Variants in MICAL3 observed in about 807,000 individuals in gnomAD.
MICAL3 encodes the protein microtubule associated monooxygenase, calponin and LIM domain containing 3, also known as [F-actin]-monooxygenase MICAL3.
MICAL3 carries 62 observed loss-of-function variants against 207.4 expected under a neutral mutation model. That is an observed-to-expected ratio of 0.30 (90% CI 0.24 to 0.37). The LOEUF is 0.37. Ranked by LOEUF, MICAL3 falls within the 10% of genes least tolerant of loss-of-function variation. The pLI, the probability that MICAL3 is intolerant of heterozygous loss-of-function variation, is 1.00. For missense variants in MICAL3, 2,368 were observed against 2,635.6 expected (o/e 0.90, Z 2.22); for synonymous variants, 1,077 against 1,069.3 (o/e 1.01, Z -0.14).
chr22:18,000,098 T>C (rs1009754296), intron 1 of MICAL3, among the ~76,000 whole-genome samples: 4 of 152,196 alleles, frequency 2.6e-5, no homozygotes, highest in Non-Finnish European at 5.9e-5. Context: ...AAGATGTCTT[T>C]CTCAGCTTAA....
intron 1 of MICAL3, among the ~76,000 whole-genome samples, chr22:17,971,306 A>G (rs1464085869): frequency 2.0e-5 from 3 of 152,030 alleles, no homozygotes; most frequent in Non-Finnish European, 4.4e-5. Flanking sequence ...CATCTCTACT[A>G]AAATACAAAA....
intron 21 of MICAL3, among the ~76,000 whole-genome samples, chr22:17,828,809 G>C (rs1304115290): frequency 6.6e-6 from 1 of 152,220 alleles, no homozygotes; most frequent in Non-Finnish European, 1.5e-5. Context: ...GGTGCCACCT[G>C]ATCTGAAGGA....
chr22:17,873,352 GT>G (rs1569106789), intron 16 of MICAL3, among the ~76,000 whole-genome samples: 2 of 152,382 alleles, frequency 1.3e-5, no homozygotes, highest in Admixed American at 1.3e-4. Context: ...CCGCCTCTGT[GT>G]GGGTAGCGCA....
intron 29 of MICAL3, chr22:17,791,554 G>A (rs1340833596): frequency 1.8e-6 from 1 of 547,626 alleles, no homozygotes; most frequent in Non-Finnish European, 3.3e-6. Context: ...GCCCTCCCCG[G>A]GGCTGGTTTC....
At chr22:18,023,919 G>C (rs992545116) in intron 1 of MICAL3, among the ~76,000 whole-genome samples, 1 of 151,904 alleles carries the variant, frequency 6.6e-6, no homozygotes, top group Non-Finnish European at 1.5e-5. Flanking sequence ...GCCTACCTCG[G>C]GGGTGCCTGG....
At chr22:17,823,635 A>G (rs970767222) in intron 22 of MICAL3, among the ~76,000 whole-genome samples, 2 of 152,252 alleles carry the variant, frequency 1.3e-5, no homozygotes, top group African/African-American at 4.8e-5. Context: ...TATTAAAAAT[A>G]TTATATAAAA....
intron 29 of MICAL3, 104 bp downstream of exon 29, chr22:17,808,740 G>A (rs1053155313): frequency 1.1e-6 from 1 of 923,266 alleles, no homozygotes; most frequent in African/African-American, 1.7e-5. Context: ...AAATCCTGCT[G>A]GAAAAGGAGC....
chr22:17,916,241 G>A (rs5992902), intron 1 of MICAL3, among the ~76,000 whole-genome samples: 116,947 of 151,566 alleles, frequency 0.77, 46,140 homozygotes, highest in Non-Finnish European at 0.88. Context: ...GATAGCGAGC[G>A]ACATCTGCCG....
intron 19 of MICAL3, among the ~76,000 whole-genome samples, chr22:17,849,781 A>G (rs1925095907): frequency 7.2e-6 from 1 of 139,076 alleles, no homozygotes; most frequent in African/African-American, 2.8e-5. Flanking sequence ...TGCAACCTCC[A>G]TCTACCAGGT....
In MICAL3 at chr22:17,946,937, G is replaced by A. The variant is rs375260236; in HGVS notation, c.-74-40051C>T. Among the ~76,000 whole-genome samples, 70 of 152,316 alleles carry A rather than the reference G, an allele frequency of 4.6e-4. 1 individual carries two copies. In the South Asian group the frequency reaches 0.015, roughly 32 times the overall value. ...ACCACATGATACCCCTTCCAAGCCGGAAGATGGGTGGGGAGGGCCCTGCTA... is the reference window on the plus strand; with the variant it reads ...ACCACATGATACCCCTTCCAAGCCGAAAGATGGGTGGGGAGGGCCCTGCTA... On this transcript the variant is annotated intron_variant, in intron 1 of 31. Transcript: ENST00000441493.
At chr22:17,976,807 CTTCTT>C (rs1935676607) in intron 1 of MICAL3, among the ~76,000 whole-genome samples, 1 of 133,726 alleles carries the variant, frequency 7.5e-6, no homozygotes, top group Non-Finnish European at 1.6e-5. Context: ...CTAGAGACTT[CTTCTT>C]TTTTTTTTTT....
intron 19 of MICAL3, among the ~76,000 whole-genome samples, chr22:17,857,152 C>G (rs796927302): frequency 2.0e-5 from 3 of 152,192 alleles, no homozygotes; most frequent in African/African-American, 7.2e-5. Flanking sequence ...GGAGTCCCCA[C>G]CCCCTGCGCT....
chr22:17,966,080 G>A (rs1288923970), intron 1 of MICAL3, among the ~76,000 whole-genome samples: 1 of 152,226 alleles, frequency 6.6e-6, no homozygotes, highest in African/African-American at 2.4e-5. Flanking sequence ...ATGCCATGCA[G>A]GATCTGCCAT....
At chr22:17,859,869 G>T (rs1454033174) in intron 19 of MICAL3, among the ~76,000 whole-genome samples, 2 of 152,230 alleles carry the variant, frequency 1.3e-5, no homozygotes, top group African/African-American at 4.8e-5. Flanking sequence ...TGCACCTGAG[G>T]CCCATGGGCA....
intron 1 of MICAL3, among the ~76,000 whole-genome samples, chr22:17,939,034 GGGATTAATGACTAATCCATTCAT>G (rs1363394451): frequency 2.6e-5 from 4 of 152,164 alleles, no homozygotes; most frequent in Non-Finnish European, 4.4e-5. Flanking sequence ...GGAAGTCATT[GGGATTAATGACTAATCCATTCAT>G]GGATTAATGA....
intron 1 of MICAL3, among the ~76,000 whole-genome samples, chr22:18,002,158 A>C (rs1194651388): frequency 6.6e-6 from 1 of 152,124 alleles, no homozygotes; most frequent in Non-Finnish European, 1.5e-5. Flanking sequence ...AGATGGTGCC[A>C]CTGCACTACA....
At chr22:17,790,940 G>T in intron 31 of MICAL3, 24 bp from the exon 32 acceptor site, 1 of 1,613,340 alleles carries the variant, frequency 6.2e-7, no homozygotes, top group Admixed American at 1.7e-5. Context: ...AAGGCATGAG[G>T]TGAGGGGCCT....
chr22:17,852,744 T>A (rs1925470640), intron 19 of MICAL3, among the ~76,000 whole-genome samples: 1 of 152,182 alleles, frequency 6.6e-6, no homozygotes, highest in Non-Finnish European at 1.5e-5. Flanking sequence ...TGGCTCCTAC[T>A]CACATTTCCG....
intron 1 of MICAL3, among the ~76,000 whole-genome samples, chr22:17,941,622 C>T (rs1482030551): frequency 1.3e-5 from 2 of 152,242 alleles, no homozygotes; most frequent in Non-Finnish European, 1.5e-5. Context: ...GAAGTAACTG[C>T]CACATGCTTT....
Sources: allele counts gnomAD v4.1 joint callset (sites outside exome capture counted in the v4.1 genomes callset), GRCh38; gene constraint gnomAD v4.1.1; transcripts MANE v1.5; gene names NCBI Gene and HGNC (gene_info 2026-07-23, HGNC 2026-07-21).